Variants in ADCY2 observed in about 807,000 individuals in gnomAD.
ADCY2 encodes the protein adenylate cyclase 2, also known as adenylate cyclase type 2.
Under a neutral mutation model 125.2 loss-of-function variants are expected in ADCY2, and 31 were observed. That is an observed-to-expected ratio of 0.25 (90% CI 0.19 to 0.33). ADCY2 has a LOEUF of 0.33. Among genes scored for constraint, ADCY2 ranks in the 10% least tolerant of loss-of-function variants. The pLI, the probability that ADCY2 is intolerant of heterozygous loss-of-function variation, is 1.00. For synonymous variants in ADCY2, 512 were observed against 548.4 expected (o/e 0.93, Z 0.93); for missense variants, 904 against 1,418.2 (o/e 0.64, Z 5.82).
chr5:7,820,941 A>T (rs1745279817), intron 24 of ADCY2, among the ~76,000 whole-genome samples: 1 of 152,258 alleles, frequency 6.6e-6, no homozygotes, highest in Non-Finnish European at 1.5e-5. Context: ...AGCAACCAGC[A>T]TGATGGCACA....
chr5:7,638,918 A>G (rs1297764489), intron 4 of ADCY2, among the ~76,000 whole-genome samples: 1 of 152,094 alleles, frequency 6.6e-6, no homozygotes, highest in African/African-American at 2.4e-5. Context: ...GGTCTTTCCC[A>G]TGCTGTTCTC....
At chr5:7,452,886 C>T (rs1741526299) in intron 2 of ADCY2, among the ~76,000 whole-genome samples, 1 of 152,052 alleles carries the variant, frequency 6.6e-6, no homozygotes, top group Non-Finnish European at 1.5e-5. Context: ...GTTTGTTAGC[C>T]ATCTGTGTAT....
intron 22 of ADCY2, among the ~76,000 whole-genome samples, chr5:7,813,960 C>G (rs1054272821): frequency 1.3e-5 from 2 of 151,556 alleles, no homozygotes; most frequent in Non-Finnish European, 2.9e-5. Flanking sequence ...TATTAAGGAG[C>G]AAGATGTTTT....
chr5:7,788,986 G>T (rs2126503991), intron 19 of ADCY2, among the ~76,000 whole-genome samples: 1 of 152,266 alleles, frequency 6.6e-6, no homozygotes, highest in Non-Finnish European at 1.5e-5. Flanking sequence ...TACAATGTTA[G>T]TAATAACTAC....
At chr5:7,704,664 G>T (rs1003635553) in intron 7 of ADCY2, among the ~76,000 whole-genome samples, 4 of 152,074 alleles carry the variant, frequency 2.6e-5, no homozygotes, top group Admixed American at 6.5e-5. Flanking sequence ...TGGATCACGA[G>T]GTCAGGACAT....
intron 2 of ADCY2, among the ~76,000 whole-genome samples, chr5:7,418,367 G>A (rs1740037765): frequency 6.6e-6 from 1 of 152,158 alleles, no homozygotes; most frequent in Non-Finnish European, 1.5e-5. Flanking sequence ...TTTCTGGGAG[G>A]AGCACAGCTA....
At chr5:7,421,324 A>C (rs1024282497) in intron 2 of ADCY2, among the ~76,000 whole-genome samples, 1 of 152,222 alleles carries the variant, frequency 6.6e-6, no homozygotes, top group South Asian at 2.1e-4. Context: ...CAGTGTCAGC[A>C]GGGCTGTATT....
At chr5:7,627,019 G>A (rs540665011) in intron 4 of ADCY2, among the ~76,000 whole-genome samples, 1 of 152,156 alleles carries the variant, frequency 6.6e-6, no homozygotes, top group Non-Finnish European at 1.5e-5. Flanking sequence ...AGAACAGTTC[G>A]TGAAAATGCT....
chr5:7,566,521 G>A (rs1230785225), intron 3 of ADCY2, among the ~76,000 whole-genome samples: 1 of 151,950 alleles, frequency 6.6e-6, no homozygotes, highest in Non-Finnish European at 1.5e-5. Flanking sequence ...GAGAGAGAGA[G>A]AAAGGGACGC....
At chr5:7,681,256 T>C (rs1276186543) in intron 4 of ADCY2, among the ~76,000 whole-genome samples, 1 of 152,198 alleles carries the variant, frequency 6.6e-6, no homozygotes, top group Non-Finnish European at 1.5e-5. Context: ...TCCTGAAAAG[T>C]TGTTATGCAG....
rs759548641 is a variant in ADCY2 at position 7,773,061 on chromosome 5, G to A, written c.2344G>A (p.Ala782Thr). Residue 782 changes from alanine (A) to threonine (T), a missense_variant, in exon 18 of 25, where the codon GCC becomes ACC. This residue lies in a region of ADCY2 where 221 missense variants were observed against 246.2 expected (regional missense o/e 0.90). Transcript: ENST00000338316. ...CAACACCATCCTACTCCACACCCAC[G>A]CCCACGTCCTGGGCGACTACAGCCA... ...GYNTILLHTHAHVLGDYSQVL... is the reference protein window; with the variant it reads ...GYNTILLHTHTHVLGDYSQVL... 12 of 1,614,042 alleles carry A rather than the reference G, an allele frequency of 7.4e-6. No individual in the cohort carries two copies. The highest frequency in any genetic ancestry group is 4.4e-5 in the South Asian group (4 of 91,058).
intron 2 of ADCY2, among the ~76,000 whole-genome samples, chr5:7,461,760 G>T (rs1355460713): frequency 1.3e-5 from 2 of 152,172 alleles, no homozygotes; most frequent in African/African-American, 4.8e-5. Flanking sequence ...TGTGAATTTG[G>T]GTGATGAATG....
intron 17 of ADCY2, among the ~76,000 whole-genome samples, chr5:7,770,102 T>C (rs1247242629): frequency 6.6e-6 from 1 of 152,166 alleles, no homozygotes; most frequent in Non-Finnish European, 1.5e-5. Context: ...TCTTGCACAG[T>C]CTCCAAGCAT....
chr5:7,743,167 A>C (rs553830022), intron 14 of ADCY2, among the ~76,000 whole-genome samples: 1 of 152,238 alleles, frequency 6.6e-6, no homozygotes, highest in East Asian at 1.9e-4. Context: ...ATTTTGCTGC[A>C]TCTATGTTGA....
At chr5:7,527,140 G>A (rs1734499248) in intron 3 of ADCY2, among the ~76,000 whole-genome samples, 1 of 152,220 alleles carries the variant, frequency 6.6e-6, no homozygotes, top group South Asian at 2.1e-4. Context: ...ACCTCATGTT[G>A]TGGTGGCTGC....
At chr5:7,825,014 C>G (rs1260948549) in intron 24 of ADCY2, among the ~76,000 whole-genome samples, 2 of 152,208 alleles carry the variant, frequency 1.3e-5, no homozygotes, top group African/African-American at 2.4e-5. Flanking sequence ...CCATAACACC[C>G]CTGTGTGCCA....
intron 3 of ADCY2, among the ~76,000 whole-genome samples, chr5:7,579,832 A>G (rs560177995): frequency 2.6e-5 from 4 of 152,354 alleles, no homozygotes; most frequent in African/African-American, 4.8e-5. Flanking sequence ...TAAAGTGGCT[A>G]TAACCACAGT....
rs928024786 is a variant in ADCY2, at chr5:7,722,063, C to T, written c.1704-2482C>T. On this transcript the variant is annotated intron_variant, in intron 12 of 24. Transcript: ENST00000338316. Reference sequence around the variant, plus strand: ...AGACAAGGTGAGAATTAGGCCCATCCATCATTGCTGCAAGGGAGAAGCCAC... The same window carrying T: ...AGACAAGGTGAGAATTAGGCCCATCTATCATTGCTGCAAGGGAGAAGCCAC... Among the ~76,000 whole-genome samples the T allele has an allele frequency of 1.6e-4, 25 of 152,252 alleles. 1 individual carries two copies. The highest frequency in any genetic ancestry group is 5.8e-4 in the African/African-American group (24 of 41,538).
chr5:7,780,741 T>C (rs1743893950), intron 18 of ADCY2, among the ~76,000 whole-genome samples: 1 of 150,794 alleles, frequency 6.6e-6, no homozygotes, highest in African/African-American at 2.4e-5. Context: ...TGTTTGTGTC[T>C]ATGTGCCTGG....
Sources: allele counts gnomAD v4.1 joint callset (sites outside exome capture counted in the v4.1 genomes callset), GRCh38; gene constraint gnomAD v4.1.1; regional missense constraint gnomAD v4.1.1; transcripts MANE v1.5; gene names NCBI Gene and HGNC (gene_info 2026-07-23, HGNC 2026-07-21).